CUX2: variants seen among roughly 807,000 people sequenced by gnomAD.
The protein encoded by CUX2 is homeobox protein cut-like 2.
Under a neutral mutation model 144.8 loss-of-function variants are expected in CUX2, and 40 were observed. The observed-to-expected ratio is 0.28, with a 90% CI of 0.21 to 0.36. The LOEUF (loss-of-function observed/expected upper bound fraction) is 0.36. Ranked by LOEUF, CUX2 falls within the 10% of genes least tolerant of loss-of-function variation. CUX2 has a pLI of 1.00. For synonymous variants in CUX2, 827 were observed against 875.6 expected, an observed-to-expected ratio of 0.94 and a Z score of 0.98; for missense variants, 1,615 against 1,994.0, an observed-to-expected ratio of 0.81 and a Z score of 3.62.
chr12:111,267,272 C>T (rs2136296226), intron 4 of CUX2, among the ~76,000 whole-genome samples: 1 of 152,052 alleles, frequency 6.6e-6, no homozygotes, highest in South Asian at 2.1e-4. Flanking sequence ...GGCCCCATCC[C>T]CGGCCCACAG....
chr12:111,170,545 CTTTTTTTTTTTTT>C (rs34282526), intron 1 of CUX2, among the ~76,000 whole-genome samples: 2 of 79,950 alleles, frequency 2.5e-5, no homozygotes, highest in South Asian at 4.7e-4. Flanking sequence ...CCCAGCTCTT[CTTTTTTTTTTTTT>C]TTTTTTTTTT....
At chr12:111,058,704 G>T (rs533929755) in intron 1 of CUX2, among the ~76,000 whole-genome samples, 25 of 152,230 alleles carry the variant, frequency 1.6e-4, no homozygotes, top group African/African-American at 5.8e-4. Flanking sequence ...TTACAGGAAG[G>T]GGGTCCCGAG....
chr12:111,225,365 C>T (rs1336040661), intron 3 of CUX2, among the ~76,000 whole-genome samples: 2 of 152,160 alleles, frequency 1.3e-5, no homozygotes, highest in Non-Finnish European at 2.9e-5. Context: ...AGGCTCAGCC[C>T]GCAGCCCCTG....
intron 18 of CUX2, among the ~76,000 whole-genome samples, chr12:111,328,920 C>T (rs1294889838): frequency 7.6e-6 from 1 of 131,732 alleles, no homozygotes; most frequent in Non-Finnish European, 1.6e-5. Context: ...TTTTCTCACT[C>T]TGCATTTTTT....
chr12:111,134,187 C>T (rs1351246315), intron 1 of CUX2, among the ~76,000 whole-genome samples: 6 of 152,136 alleles, frequency 3.9e-5, no homozygotes, highest in Admixed American at 3.9e-4. Flanking sequence ...TTTCTTTCCC[C>T]ATTGTGTCCA....
chr12:111,099,707 C>A, intron 1 of CUX2: 1 of 456,486 alleles, frequency 2.2e-6, no homozygotes, highest in South Asian at 1.5e-5. Context: ...TCTCTGATCA[C>A]CTATTGGGTT....
At chr12:111,306,348 T>A (rs192768869) in intron 10 of CUX2, among the ~76,000 whole-genome samples, 9 of 151,792 alleles carry the variant, frequency 5.9e-5, no homozygotes, top group Admixed American at 2.0e-4. Context: ...TTTTAATGTT[T>A]CTTAGATTTA....
chr12:111,098,865 A>G (rs1873009391), intron 1 of CUX2, among the ~76,000 whole-genome samples: 1 of 152,222 alleles, frequency 6.6e-6, no homozygotes, highest in Non-Finnish European at 1.5e-5. Flanking sequence ...GCAGCCGCCC[A>G]TGGGGCTCAT....
chr12:111,120,773 A>C (rs1376109108), intron 1 of CUX2, among the ~76,000 whole-genome samples: 3 of 152,074 alleles, frequency 2.0e-5, no homozygotes, highest in Non-Finnish European at 4.4e-5. Context: ...GTCGGGGTCC[A>C]CTTTGATTTG....
chr12:111,123,591 G>T, intron 1 of CUX2, among the ~76,000 whole-genome samples: 1 of 151,980 alleles, frequency 6.6e-6, no homozygotes, highest in South Asian at 2.1e-4. Flanking sequence ...GCTGGAATGC[G>T]GTGGCACAGT....
chr12:111,314,652 A>T (rs1183631551), intron 16 of CUX2, among the ~76,000 whole-genome samples: 2 of 133,042 alleles, frequency 1.5e-5, no homozygotes, highest in Non-Finnish European at 1.5e-5. Flanking sequence ...AAAAAAAAAA[A>T]AAAAAAAAAA....
intron 8 of CUX2, 72 bp downstream of exon 8, chr12:111,296,611 C>T (rs1245812252): frequency 7.2e-7 from 1 of 1,385,388 alleles, no homozygotes; most frequent in African/African-American, 1.4e-5. Context: ...TTCTGACCCT[C>T]CAGTACTTGC....
At chr12:111,282,381 C>G (rs1026149598) in intron 4 of CUX2, among the ~76,000 whole-genome samples, 13 of 151,384 alleles carry the variant, frequency 8.6e-5, no homozygotes, top group African/African-American at 3.1e-4. Flanking sequence ...AATCCCAGCA[C>G]TTTGGGAAGC....
chr12:111,220,200 T>C (rs1881770794), intron 3 of CUX2, among the ~76,000 whole-genome samples: 1 of 152,062 alleles, frequency 6.6e-6, no homozygotes. Flanking sequence ...AGAACAAAGT[T>C]AACACTGATG....
chr12:111,151,612 G>A (rs1331918919), intron 1 of CUX2, among the ~76,000 whole-genome samples: 1 of 152,196 alleles, frequency 6.6e-6, no homozygotes, highest in Non-Finnish European at 1.5e-5. Flanking sequence ...AGAGGAAGAC[G>A]ACTGACGCTT....
intron 1 of CUX2, among the ~76,000 whole-genome samples, chr12:111,143,066 T>C (rs1227747228): frequency 2.6e-5 from 4 of 152,242 alleles, no homozygotes; most frequent in Non-Finnish European, 5.9e-5. Flanking sequence ...CCACTGTCTT[T>C]GCACTTTGTG....
chr12:111,075,032 C>A (rs1379978843), intron 1 of CUX2, among the ~76,000 whole-genome samples: 1 of 152,196 alleles, frequency 6.6e-6, no homozygotes, highest in Non-Finnish European at 1.5e-5. Flanking sequence ...TTCTCTGGAC[C>A]AGGCCTGGCC....
chr12:111,282,043 C>T (rs931985116), intron 4 of CUX2, among the ~76,000 whole-genome samples: 33 of 152,172 alleles, frequency 2.2e-4, no homozygotes, highest in African/African-American at 6.7e-4. Context: ...TACCACAGGC[C>T]GGGTGTGGTG....
Position 111,277,258 on chromosome 12 carries a change from T to C in CUX2, c.301+13419T>C, listed in dbSNP as rs923848449. Among the ~76,000 whole-genome samples the C allele has an allele frequency of 2.6e-5, 4 of 152,104 alleles. No individual in the cohort carries two copies. The highest frequency in any genetic ancestry group is 7.2e-5 in the African/African-American group (3 of 41,432). ...GCCTGCGCAGGGAGGGGAAAGGAGATTGGCACTGGGCGTCCCCTGGGCCAG... is the reference window on the plus strand; with the variant it reads ...GCCTGCGCAGGGAGGGGAAAGGAGACTGGCACTGGGCGTCCCCTGGGCCAG... On this transcript the variant is annotated intron_variant, in intron 4 of 21. Transcript: ENST00000261726. This position sits in a 1 kb window ranked among gnomAD's most constrained non-coding sequence, Gnocchi z 5.0.
Sources: allele counts gnomAD v4.1 joint callset (sites outside exome capture counted in the v4.1 genomes callset), GRCh38; gene constraint gnomAD v4.1.1; non-coding constraint Gnocchi (gnomAD v3.1); transcripts MANE v1.5; gene names NCBI Gene and HGNC (gene_info 2026-07-23, HGNC 2026-07-21).